TMEM178B: variants seen among roughly 807,000 people sequenced by gnomAD.
TMEM178B encodes the protein transmembrane protein 178B.
In TMEM178B, 5 loss-of-function variants were observed where a neutral mutation model predicts 31.0. The ratio of observed to expected loss-of-function variants is 0.16; its 90% confidence interval spans 0.08 to 0.34. The LOEUF is 0.34. Ranked by LOEUF, TMEM178B falls within the 10% of genes least tolerant of loss-of-function variation. The pLI, the probability that TMEM178B is intolerant of heterozygous loss-of-function variation, is 1.00. For synonymous variants in TMEM178B, 164 were observed against 164.0 expected, an observed-to-expected ratio of 1.00 and a Z score of 0.00; for missense variants, 275 against 400.3, an observed-to-expected ratio of 0.69 and a Z score of 2.67.
intron 2 of TMEM178B, among the ~76,000 whole-genome samples, chr7:141,292,086 A>G (rs1798556721): frequency 6.6e-6 from 1 of 152,164 alleles, no homozygotes; most frequent in Non-Finnish European, 1.5e-5. Flanking sequence ...GGGAGCTCCA[A>G]GCACCAAGAT....
chr7:141,349,071 A>G (rs1418258656), intron 2 of TMEM178B, among the ~76,000 whole-genome samples: 3 of 152,138 alleles, frequency 2.0e-5, no homozygotes, highest in African/African-American at 7.2e-5. Context: ...TTTCCACTAG[A>G]CTTTTCTTCT....
At chr7:141,313,093 G>T (rs1169411139) in intron 2 of TMEM178B, among the ~76,000 whole-genome samples, 2 of 152,174 alleles carry the variant, frequency 1.3e-5, no homozygotes, top group African/African-American at 2.4e-5. Context: ...TGACACAAAG[G>T]TTGGAAGGTG....
chr7:141,163,267 G>A lies in TMEM178B; in HGVS notation c.383-49324G>A, dbSNP rs920726775. ...AATTCTCATGATAATGGTGGAAGCC[G>A]CACAAGTATGGAAATATGTAGGCCT... On this transcript the variant is annotated intron_variant, in intron 1 of 3. Coordinates refer to ENST00000565468, the MANE Select transcript of TMEM178B (RefSeq NM_001195278.2). 5.9e-5 allele frequency among the ~76,000 whole-genome samples: 9 copies of A among 152,170 alleles called. 1 individual carries two copies. In the South Asian group the frequency reaches 6.2e-4, roughly 11 times the overall value.
intron 2 of TMEM178B, among the ~76,000 whole-genome samples, chr7:141,282,343 G>C (rs1798379168): frequency 6.6e-6 from 1 of 152,202 alleles, no homozygotes; most frequent in South Asian, 2.1e-4. Flanking sequence ...ATCCACTGGT[G>C]GATTGGAGAA....
At chr7:141,248,488 T>C (rs533701430) in intron 2 of TMEM178B, among the ~76,000 whole-genome samples, 1 of 152,334 alleles carries the variant, frequency 6.6e-6, no homozygotes, top group African/African-American at 2.4e-5. Flanking sequence ...GTTGTTGCTG[T>C]GTCAACATCC....
chr7:141,494,265 TTCGGTG>T, the TMEM178B span, among the ~76,000 whole-genome samples: 1 of 152,332 alleles, frequency 6.6e-6, no homozygotes, highest in South Asian at 2.1e-4. Context: ...TTTTATTGAA[TTCGGTG>T]GACACAATGA....
intron 1 of TMEM178B, among the ~76,000 whole-genome samples, chr7:141,112,428 A>T (rs1304800607): frequency 1.3e-5 from 2 of 151,870 alleles, no homozygotes; most frequent in East Asian, 3.9e-4. Flanking sequence ...TAATTTTTGT[A>T]TTTTTTGCAG....
intron 3 of TMEM178B, among the ~76,000 whole-genome samples, chr7:141,446,826 C>T (rs1040625180): frequency 6.6e-6 from 1 of 152,116 alleles, no homozygotes; most frequent in African/African-American, 2.4e-5. Flanking sequence ...CAATGCCTGG[C>T]ATTGTGCTGA....
intron 3 of TMEM178B, among the ~76,000 whole-genome samples, chr7:141,454,063 C>A (rs1010160872): frequency 6.6e-6 from 1 of 152,032 alleles, no homozygotes; most frequent in Non-Finnish European, 1.5e-5. Context: ...ACCTAAGAAT[C>A]TCTTCTTGAA....
chr7:141,439,033 G>A lies in TMEM178B; in HGVS notation c.634+1288G>A, dbSNP rs542379982. ...CCACCAGGCTCTGGGTTTCTGAACA[G>A]GGGCAGAGGGTGAAGGAGAGAGCCA... On this transcript the variant is annotated intron_variant, in intron 3 of 3. Coordinates refer to ENST00000565468, the MANE Select transcript of TMEM178B (RefSeq NM_001195278.2). Among the ~76,000 whole-genome samples, 4 of 152,214 alleles carry A rather than the reference G, an allele frequency of 2.6e-5. No homozygotes were observed. The South Asian group carries it at 6.2e-4, about 24-fold the overall frequency.
At chr7:141,360,739 G>C (rs1456528554) in intron 2 of TMEM178B, among the ~76,000 whole-genome samples, 1 of 152,176 alleles carries the variant, frequency 6.6e-6, no homozygotes, top group Admixed American at 6.5e-5. Flanking sequence ...ATTCTTAACT[G>C]ATTTGGGCTT....
intron 2 of TMEM178B, among the ~76,000 whole-genome samples, chr7:141,429,308 TACACACAC>T (rs3039921): frequency 0.012 from 1,809 of 149,728 alleles, 32 homozygotes; most frequent in African/African-American, 0.041. Flanking sequence ...GAAAATGTAA[TACACACAC>T]ACACACACAC....
chr7:141,243,389 G>A (rs1797659619), intron 2 of TMEM178B, among the ~76,000 whole-genome samples: 1 of 152,000 alleles, frequency 6.6e-6, no homozygotes, highest in Non-Finnish European at 1.5e-5. Flanking sequence ...GGTGGAGCGC[G>A]GTCAGCTCTG....
intron 2 of TMEM178B, among the ~76,000 whole-genome samples, chr7:141,254,254 T>C (rs1797886757): frequency 6.6e-6 from 1 of 152,190 alleles, no homozygotes; most frequent in South Asian, 2.1e-4. Context: ...AAATGGCCTT[T>C]CAGAGGTAAG....
At chr7:141,100,660 TTGCTC>T (rs1454396461) in intron 1 of TMEM178B, among the ~76,000 whole-genome samples, 4 of 152,198 alleles carry the variant, frequency 2.6e-5, no homozygotes, top group African/African-American at 9.7e-5. Context: ...TTTAGACTCT[TTGCTC>T]TGAGGCTTTT....
chr7:141,191,016 A>C (rs1359939304), intron 1 of TMEM178B, among the ~76,000 whole-genome samples: 1 of 152,190 alleles, frequency 6.6e-6, no homozygotes, highest in Non-Finnish European at 1.5e-5. Context: ...TCCTTGAATA[A>C]CATTGTTTCA....
At chr7:141,091,540 G>T (rs1355807886) in intron 1 of TMEM178B, among the ~76,000 whole-genome samples, 1 of 152,124 alleles carries the variant, frequency 6.6e-6, no homozygotes, top group Admixed American at 6.5e-5. Context: ...GGCTGGCTGG[G>T]TGCTTGTAGA....
intron 1 of TMEM178B, among the ~76,000 whole-genome samples, chr7:141,180,257 C>A (rs545878178): frequency 1.3e-5 from 2 of 152,066 alleles, no homozygotes; most frequent in African/African-American, 2.4e-5. Flanking sequence ...GGTCGATCAC[C>A]TGAGGTCAGG....
rs1794556079 is a variant in TMEM178B, at chr7:141,074,218, C to T, written c.-93C>T. The T allele has an allele frequency of 2.1e-6, 3 of 1,434,208 alleles. No individual in the cohort carries two copies. The highest frequency in any genetic ancestry group is 2.9e-5 in the African/African-American group (2 of 69,764). 88.8% of individuals were successfully genotyped at this position (1,434,208 alleles called of 1,614,324 possible). A position where few individuals can be genotyped will look rare whatever the true frequency, so the allele number is the denominator to read the frequency against. ...GCGAGTCCCTCTCCTGCCCCCTCCC[C>T]CAGCTCGGCCGCCCGCCGCTTTGTT... On this transcript the variant is annotated 5_prime_UTR_variant, in exon 1 of 4. Transcript: ENST00000565468. The surrounding 1 kb of genome is among the most constrained non-coding windows in gnomAD (Gnocchi z 5.1).
Sources: allele counts gnomAD v4.1 joint callset (sites outside exome capture counted in the v4.1 genomes callset), GRCh38; gene constraint gnomAD v4.1.1; non-coding constraint Gnocchi (gnomAD v3.1); transcripts MANE v1.5; gene names NCBI Gene and HGNC (gene_info 2026-07-23, HGNC 2026-07-21).